Variants in TRPC1 observed in about 807,000 individuals in gnomAD.
The protein encoded by TRPC1 is short transient receptor potential channel 1.
A neutral mutation model predicts 88.2 loss-of-function variants in TRPC1; 42 were observed. The observed-to-expected ratio is 0.48, with a 90% CI of 0.37 to 0.62. TRPC1 has a LOEUF of 0.62. Among genes scored for constraint, TRPC1 ranks in the 20% least tolerant of loss-of-function variants. The pLI is 0.00. For synonymous variants in TRPC1, 288 were observed against 331.8 expected (o/e 0.87, Z 1.43); for missense variants, 699 against 957.3 (o/e 0.73, Z 3.56).
intron 7 of TRPC1, 102 bp from the exon 8 acceptor site, chr3:142,790,917 G>A (rs545722246): frequency 2.6e-5 from 25 of 968,258 alleles, no homozygotes; most frequent in Non-Finnish European, 3.1e-5. Context: ...TTTTGAATAA[G>A]GCCCAAGGAT....
Position 142,736,534 on chromosome 3 carries a change from G to A in TRPC1, c.327+1G>A. 1 of 1,597,624 alleles carries A rather than the reference G, an allele frequency of 6.3e-7. No individual in the cohort carries two copies. The highest frequency in any genetic ancestry group is 8.5e-7 in the Non-Finnish European group (1 of 1,173,954). On this transcript the variant is annotated splice_donor_variant, in intron 2 of 12. Coordinates refer to ENST00000476941, the MANE Select transcript of TRPC1 (RefSeq NM_001251845.2). LOFTEE classifies it high-confidence loss of function. ...GCTTCTTTTGGACTACGGTTGTCAG[G>A]TACAAGGCTAGATAATTTAATCCAG...
chr3:142,765,475 A>G (rs758282293), intron 4 of TRPC1, among the ~76,000 whole-genome samples: 1 of 152,200 alleles, frequency 6.6e-6, no homozygotes, highest in Non-Finnish European at 1.5e-5. Flanking sequence ...AAACAGACAT[A>G]TAGACCGATG....
intron 4 of TRPC1, among the ~76,000 whole-genome samples, chr3:142,773,404 A>G (rs968996320): frequency 1.3e-5 from 2 of 151,998 alleles, no homozygotes; most frequent in African/African-American, 2.4e-5. Flanking sequence ...GCCATTATAA[A>G]TATGCTCACA....
chr3:142,726,722 T>C (rs1262323887), intron 1 of TRPC1, among the ~76,000 whole-genome samples: 1 of 152,194 alleles, frequency 6.6e-6, no homozygotes, highest in Non-Finnish European at 1.5e-5. Flanking sequence ...CTAATATTGT[T>C]AGACTTTTTA....
At chr3:142,751,665 GCCTGGTGACA>G (rs1934769383) in intron 4 of TRPC1, among the ~76,000 whole-genome samples, 1 of 152,172 alleles carries the variant, frequency 6.6e-6, no homozygotes, top group Non-Finnish European at 1.5e-5. Context: ...GTCCCAGGCA[GCCTGGTGACA>G]AACTATTTTT....
rs1186154136 is a variant in TRPC1 at position 142,781,111 on chromosome 3, A to G, written c.960+82A>G. The G allele has an allele frequency of 3.4e-6, 4 of 1,166,194 alleles. No homozygotes were observed. The African/African-American group carries it at 6.3e-5, about 18-fold the overall frequency. The allele number at this position is 1,166,194 out of a possible 1,614,324, so 72.2% of individuals were successfully genotyped here. On this transcript the variant is annotated intron_variant, in intron 6 of 12. Coordinates refer to ENST00000476941, the MANE Select transcript of TRPC1 (RefSeq NM_001251845.2). ...CAGGGCAAAGGCTTTGGAGTAACTC[A>G]TCTGGGTTAAGATCCTAGTTCTGCT...
At chr3:142,785,771 T>A (rs558919543) in intron 7 of TRPC1, among the ~76,000 whole-genome samples, 11 of 152,336 alleles carry the variant, frequency 7.2e-5, no homozygotes, top group African/African-American at 2.6e-4. Flanking sequence ...AGTGCTGGGA[T>A]TATAGGCCTG....
chr3:142,773,257 T>C (rs1278014521), intron 4 of TRPC1, among the ~76,000 whole-genome samples: 1 of 152,012 alleles, frequency 6.6e-6, no homozygotes, highest in Non-Finnish European at 1.5e-5. Context: ...GTGTTGCCCA[T>C]GCTGGAGTGC....
chr3:142,748,070 C>A (rs1473063192), intron 3 of TRPC1, among the ~76,000 whole-genome samples, 188 bp from the exon 4 acceptor site: 2 of 152,128 alleles, frequency 1.3e-5, no homozygotes, highest in East Asian at 3.8e-4. Flanking sequence ...GATTACATTG[C>A]ATTTATTAAT....
intron 4 of TRPC1, among the ~76,000 whole-genome samples, chr3:142,759,163 T>A (rs1681631022): frequency 6.6e-6 from 1 of 152,194 alleles, no homozygotes; most frequent in African/African-American, 2.4e-5. Context: ...TATAGCAGCA[T>A]GTTTTATAAT....
At chr3:142,789,684 A>G (rs1006257428) in intron 7 of TRPC1, among the ~76,000 whole-genome samples, 1 of 152,226 alleles carries the variant, frequency 6.6e-6, no homozygotes, top group African/African-American at 2.4e-5. Context: ...TAATGAAGGA[A>G]TGTACCATAA....
At chr3:142,780,047 C>T (rs1435179696) in intron 5 of TRPC1, among the ~76,000 whole-genome samples, 8 of 152,136 alleles carry the variant, frequency 5.3e-5, no homozygotes, top group Admixed American at 5.2e-4. Flanking sequence ...CAGGGTTTTG[C>T]CATGTTGGCC....
At chr3:142,787,955 G>A (rs1404015279) in intron 7 of TRPC1, among the ~76,000 whole-genome samples, 1 of 152,212 alleles carries the variant, frequency 6.6e-6, no homozygotes, top group Non-Finnish European at 1.5e-5. Flanking sequence ...TCAGTGGCAA[G>A]AGAGAGAATG....
chr3:142,797,523 A>G (rs956456744), intron 9 of TRPC1, among the ~76,000 whole-genome samples: 5 of 152,090 alleles, frequency 3.3e-5, no homozygotes, highest in African/African-American at 1.2e-4. Context: ...GGTACTTGAA[A>G]GAGCTTGTAT....
rs1407329147 is a variant in TRPC1, at chr3:142,776,593, A to T, written c.633-1039A>T. Among the ~76,000 whole-genome samples the T allele has an allele frequency of 6.6e-6, 1 of 152,174 alleles. No individual in the cohort carries two copies. Among genetic ancestry groups the T allele is most frequent in the South Asian group, 2.1e-4 (1 of 4,830 alleles). On this transcript the variant is annotated intron_variant, in intron 4 of 12. Transcript: ENST00000476941. This position sits in a 1 kb window ranked among gnomAD's most constrained non-coding sequence, Gnocchi z 4.1. ...CCTGAATGAATGAAAAATGTATTAT[A>T]TATATTGAGCATATTAAAATATTTT...
At chr3:142,728,223 G>T (rs1326818651) in intron 1 of TRPC1, among the ~76,000 whole-genome samples, 1 of 152,090 alleles carries the variant, frequency 6.6e-6, no homozygotes, top group Admixed American at 6.5e-5. Flanking sequence ...GAGGGATGGA[G>T]AGAGCAGGTT....
chr3:142,755,893 C>A (rs1425099781), intron 4 of TRPC1, among the ~76,000 whole-genome samples: 1 of 152,072 alleles, frequency 6.6e-6, no homozygotes, highest in Admixed American at 6.6e-5. Flanking sequence ...TTCTCTCTTG[C>A]CTGTTCATTC....
intron 8 of TRPC1, among the ~76,000 whole-genome samples, chr3:142,791,583 T>G (rs1273182103): frequency 6.6e-6 from 1 of 152,092 alleles, no homozygotes; most frequent in Non-Finnish European, 1.5e-5. Context: ...AGATGCCAAT[T>G]CCTTATATCT....
intron 4 of TRPC1, among the ~76,000 whole-genome samples, chr3:142,755,896 G>GT: frequency 6.6e-6 from 1 of 151,260 alleles, no homozygotes; most frequent in South Asian, 2.1e-4. Context: ...TCTCTTGCCT[G>GT]TTCATTCATG....
Sources: gnomAD v4.1 joint callset for allele counts (sites outside exome capture counted in the v4.1 genomes callset) on GRCh38, gnomAD v4.1.1 for gene constraint, Gnocchi (gnomAD v3.1) non-coding constraint, MANE v1.5 for transcripts, NCBI Gene and HGNC (gene_info 2026-07-23, HGNC 2026-07-21) for gene names.